DNAH17: variants seen among roughly 807,000 people sequenced by gnomAD.
DNAH17 encodes the protein axonemal beta dynein heavy chain 17.
In DNAH17, 376 loss-of-function variants were observed where a neutral mutation model predicts 485.6. The ratio of observed to expected loss-of-function variants is 0.77; its 90% CI spans 0.71 to 0.84. The LOEUF (loss-of-function observed/expected upper bound fraction) is 0.84, where lower values mean the gene tolerates loss of function less well. Ranked by LOEUF, DNAH17 falls within the 40% of genes least tolerant of loss-of-function variation. The pLI is 0.00. For missense variants in DNAH17, 6,370 were observed against 5,839.3 expected (o/e 1.09, Z -2.96); for synonymous variants, 3,031 against 2,405.9 (o/e 1.26, Z -7.60).
intron 30 of DNAH17, 128 bp from the exon 31 acceptor site, chr17:78,505,573 T>TTGACTAAACA (rs2090460351): frequency 8.2e-7 from 1 of 1,217,488 alleles, no homozygotes; most frequent in Non-Finnish European, 1.2e-6. Flanking sequence ...TTGATCAACG[T>TTGACTAAACA]TGACTAAACA....
At chr17:78,565,007 C>T (rs1315838053) in intron 11 of DNAH17, among the ~76,000 whole-genome samples, 6 of 152,140 alleles carry the variant, frequency 3.9e-5, no homozygotes, top group Non-Finnish European at 7.3e-5. Flanking sequence ...TCCACCATCC[C>T]GCAGGGGATG....
chr17:78,527,683 G>A (rs946158707), intron 22 of DNAH17, among the ~76,000 whole-genome samples: 17 of 152,132 alleles, frequency 1.1e-4, no homozygotes, highest in African/African-American at 4.1e-4. Context: ...GCTCTATAAT[G>A]TTGTCATTTC....
chr17:78,566,926 A>AC, intron 10 of DNAH17, 73 bp downstream of exon 10: 1 of 1,514,540 alleles, frequency 6.6e-7, no homozygotes, highest in Non-Finnish European at 8.9e-7. Context: ...CTCCCATCAC[A>AC]CCCCTAAGCT....
rs370951279 is a variant in DNAH17 at position 78,494,145 on chromosome 17, T to A, written c.6299A>T (p.Lys2100Met). 7 of 1,612,484 alleles carry A rather than the reference T, an allele frequency of 4.3e-6. No individual in the cohort carries two copies. The highest frequency in any genetic ancestry group is 5.9e-6 in the Non-Finnish European group (7 of 1,179,766). Residue 2100 changes from lysine to methionine, a missense_variant, in exon 41 of 81, where the codon AAG becomes ATG. By Grantham distance (95) the Lys-to-Met change is moderately conservative. Transcript: ENST00000389840. ...CACGAAGCTGTCCTCCGCCTGCAGC[T>A]TGAGCTCCACGATGCTCTGCTTGAT... Reference protein sequence around the residue: ...KIIKQSIVELKLQAEDSFVLK... With the variant: ...KIIKQSIVELMLQAEDSFVLK...
At chr17:78,434,477 A>G (rs773889579) in intron 74 of DNAH17, among the ~76,000 whole-genome samples, 1 of 152,214 alleles carries the variant, frequency 6.6e-6, no homozygotes, top group Non-Finnish European at 1.5e-5. Context: ...TACAAGTTGA[A>G]TTATTGATAC....
At chr17:78,452,525 G>C (rs2087598083) in intron 65 of DNAH17, among the ~76,000 whole-genome samples, 1 of 152,164 alleles carries the variant, frequency 6.6e-6, no homozygotes, top group Non-Finnish European at 1.5e-5. Flanking sequence ...ATCACCTGAG[G>C]TCAGGAGTTC....
Position 78,484,916 on chromosome 17 carries a change from G to A in DNAH17, c.7601C>T (p.Thr2534Met), listed in dbSNP as rs376476477. 3.2e-5 allele frequency: 52 copies of A among 1,600,608 alleles called. No individual in the cohort carries two copies. The highest frequency in any genetic ancestry group is 5.6e-5 in the South Asian group (5 of 89,004). The change falls in exon 48 of 81, where the codon ACG (threonine) becomes ATG (methionine). Residue 2534 changes from threonine (T) to methionine (M), a missense_variant. Transcript: ENST00000389840. ...CCGGATGAGGGTGTGCGGGGCCACC[G>A]TCCCATACTTGTCCACCTCGGGCAT... ...MNMPEVDKYG[T>M]VAPHTLIRQH...
chr17:78,547,289 G>A (rs546631505), intron 16 of DNAH17, among the ~76,000 whole-genome samples: 40 of 152,190 alleles, frequency 2.6e-4, no homozygotes, highest in African/African-American at 9.2e-4. Flanking sequence ...CCAAGCCCCT[G>A]CATGTGTGAG....
At chr17:78,496,120 G>A in intron 37 of DNAH17, 88 bp from the exon 38 acceptor site, 2 of 1,439,538 alleles carry the variant, frequency 1.4e-6, no homozygotes. Flanking sequence ...AAAGCATGAG[G>A]CTGCGAATTT....
Position 78,490,810 on chromosome 17 carries a change from TTCAGGGGGA to T in DNAH17, c.6698_6706del (p.Ile2233_Leu2235del), listed in dbSNP as rs772068006. On this transcript the variant is annotated inframe_deletion, in exon 44 of 81. Transcript: ENST00000389840. ...TTCGAACACCAGCCTCATGGTGCGG[TTCAGGGGGA>T]TCCGCTCGTTGCTGGCCAGGGTGAG... 2.5e-6 allele frequency: 4 copies of T among 1,604,432 alleles called. No individual in the cohort carries two copies. The highest frequency in any genetic ancestry group is 3.4e-6 in the Non-Finnish European group (4 of 1,175,750).
intron 14 of DNAH17, among the ~76,000 whole-genome samples, chr17:78,553,142 T>TC (rs898078330): frequency 6.6e-5 from 10 of 152,034 alleles, no homozygotes; most frequent in African/African-American, 2.4e-4. Flanking sequence ...TGTGCCTGCT[T>TC]CCCCTTCACC....
At chr17:78,441,923 A>G (rs909929916) in intron 71 of DNAH17, among the ~76,000 whole-genome samples, 1 of 152,078 alleles carries the variant, frequency 6.6e-6, no homozygotes, top group African/African-American at 2.4e-5. Flanking sequence ...TCTCTACTAA[A>G]AATACAAAAA....
chr17:78,485,216 A>G lies in DNAH17; in HGVS notation c.7484-183T>C, dbSNP rs141848059. Reference sequence around the variant, plus strand: ...GGGCACCGGGTACAGCCCCAGGAATAAACAGAGCGATCAGAGGCGAGGGTG... The same window carrying G: ...GGGCACCGGGTACAGCCCCAGGAATGAACAGAGCGATCAGAGGCGAGGGTG... On this transcript the variant is annotated intron_variant, in intron 47 of 80. Transcript: ENST00000389840. 5.2e-4 allele frequency: 388 copies of G among 752,230 alleles called. 1 individual carries two copies. The African/African-American group carries it at 6.1e-3, about 12-fold the overall frequency. 46.6% of individuals were successfully genotyped at this position (752,230 alleles called of 1,614,324 possible).
intron 38 of DNAH17, 147 bp downstream of exon 38, chr17:78,495,728 G>A (rs1568152706): frequency 2.1e-6 from 2 of 965,990 alleles, no homozygotes; most frequent in East Asian, 5.4e-5. Flanking sequence ...GTGAGTTACT[G>A]TGCCCGGCCA....
At position 78,445,612 on chromosome 17, in the gene DNAH17, G is replaced by T; in HGVS notation, c.11280C>A (p.Ala3760=). The T allele has an allele frequency of 6.4e-7, 1 of 1,565,982 alleles. No homozygotes were observed. The highest frequency in any genetic ancestry group is 1.2e-5 in the South Asian group (1 of 84,960). The change falls in exon 70 of 81, where the codon GCC becomes GCA. Residue 3760 remains alanine (A), a synonymous_variant. Transcript: ENST00000389840. The part of the protein sequence containing the change: ...LDFLLRFPFK[A]GVVSPVDFLQ... ...GGAAGTCCACTGGTGAGACCACTCC[G>T]GCCTTAAAAGGGAACCGCAGGAGGA...
At chr17:78,551,983 T>G (rs62075919) in intron 15 of DNAH17, among the ~76,000 whole-genome samples, 2 of 150,590 alleles carry the variant, frequency 1.3e-5, no homozygotes, top group African/African-American at 4.9e-5. Context: ...AAAAAAAAAT[T>G]CAGCAGGATG....
At chr17:78,425,904 T>C (rs762946058) in intron 79 of DNAH17, among the ~76,000 whole-genome samples, 64 of 152,200 alleles carry the variant, frequency 4.2e-4, no homozygotes, top group Non-Finnish European at 7.8e-4. Context: ...TAGCTGGGAT[T>C]ACAGGTGCAG....
In DNAH17 at chr17:78,571,018, T is replaced by A; in HGVS notation, c.848A>T (p.Asn283Ile). 6.4e-7 allele frequency: 1 copy of A among 1,574,202 alleles called. No homozygotes were observed. Among genetic ancestry groups the A allele is most frequent in the African/African-American group, 1.3e-5 (1 of 74,088 alleles). Reference protein sequence around the residue: ...TNVTEGLKEANDIVLYLKPLR... With the variant: ...TNVTEGLKEAIDIVLYLKPLR... ...GGGCTTCAAATAGAGCACGATGTCG[T>A]TGGCTTCCTTCAGCCCTGCACGGAA... Residue 283 changes from asparagine (N) to isoleucine (I), a missense_variant, in exon 6 of 81, where the codon AAC becomes ATC. Transcript: ENST00000389840.
At chr17:78,470,823 G>C (rs994220290) in intron 54 of DNAH17, among the ~76,000 whole-genome samples, 1 of 152,202 alleles carries the variant, frequency 6.6e-6, no homozygotes, top group Non-Finnish European at 1.5e-5. Flanking sequence ...TGCAGGCTTG[G>C]ACTGGGAGCC....
Sources: gnomAD v4.1 joint callset for allele counts (sites outside exome capture counted in the v4.1 genomes callset) on GRCh38, gnomAD v4.1.1 for gene constraint, MANE v1.5 for transcripts, NCBI Gene and HGNC (gene_info 2026-07-23, HGNC 2026-07-21) for gene names.